Variants in RBFOX3 observed in about 807,000 individuals in gnomAD.
The protein encoded by RBFOX3 is RNA binding fox-1 homolog 3.
RBFOX3 carries 17 observed loss-of-function variants against 48.7 expected under a neutral mutation model. The observed-to-expected ratio is 0.35, with a 90% CI of 0.24 to 0.52. The LOEUF (loss-of-function observed/expected upper bound fraction) is 0.52. Ranked by LOEUF, RBFOX3 falls within the 20% of genes least tolerant of loss-of-function variation. RBFOX3 has a pLI of 0.94. For missense variants in RBFOX3, 382 were observed against 497.5 expected (o/e 0.77, Z 2.21); for synonymous variants, 212 against 209.5 (o/e 1.01, Z -0.10).
intron 4 of RBFOX3, among the ~76,000 whole-genome samples, chr17:79,141,587 G>T (rs1032054689): frequency 2.0e-5 from 3 of 152,204 alleles, no homozygotes; most frequent in Non-Finnish European, 4.4e-5. Context: ...GTCTCCTGAT[G>T]TCCAAACACT....
intron 1 of RBFOX3, among the ~76,000 whole-genome samples, chr17:79,509,357 C>T (rs2083724496): frequency 6.6e-6 from 1 of 152,094 alleles, no homozygotes; most frequent in Admixed American, 6.5e-5. Context: ...CCTCCCCACA[C>T]CCCCTCCAGC....
intron 4 of RBFOX3, among the ~76,000 whole-genome samples, chr17:79,148,211 C>T (rs1166443597): frequency 6.6e-6 from 1 of 152,242 alleles, no homozygotes; most frequent in Non-Finnish European, 1.5e-5. Context: ...CTGGAGTCTC[C>T]ATTCTGGTTG....
At chr17:79,577,159 T>G (rs935094091) in intron 1 of RBFOX3, among the ~76,000 whole-genome samples, 1 of 152,312 alleles carries the variant, frequency 6.6e-6, no homozygotes, top group East Asian at 1.9e-4. Flanking sequence ...TTGATGAAGA[T>G]GGACAGAGCC....
At chr17:79,316,732 C>A (rs1442248334) in intron 2 of RBFOX3, among the ~76,000 whole-genome samples, 1 of 152,234 alleles carries the variant, frequency 6.6e-6, no homozygotes, top group Non-Finnish European at 1.5e-5. Flanking sequence ...AATAAAACCC[C>A]TGGATATGCA....
chr17:79,158,857 C>G (rs1390929826), intron 4 of RBFOX3, among the ~76,000 whole-genome samples: 1 of 152,212 alleles, frequency 6.6e-6, no homozygotes, highest in African/African-American at 2.4e-5. Flanking sequence ...AACTTCCTAA[C>G]TGCGGCCCCA....
rs560705528 is a variant in RBFOX3 at position 79,460,826 on chromosome 17, T to C, written c.-175+21628A>G. ...AGACCTGCACCAGATGCCAGGGCCA[T>C]GTTCTTGGCCTTCCCAACCTCTAGA... On this transcript the variant is annotated intron_variant, in intron 2 of 14. Coordinates refer to ENST00000693108, the MANE Select transcript of RBFOX3 (RefSeq NM_001350451.2). Among the ~76,000 whole-genome samples, 5 of 152,346 alleles carry C rather than the reference T, an allele frequency of 3.3e-5. No homozygotes were observed. The East Asian group carries it at 9.6e-4, about 29-fold the overall frequency.
intron 3 of RBFOX3, among the ~76,000 whole-genome samples, chr17:79,295,059 C>A (rs921485171): frequency 6.6e-6 from 1 of 152,174 alleles, no homozygotes; most frequent in Non-Finnish European, 1.5e-5. Flanking sequence ...GTCTAGCTTG[C>A]CTTTCCTAAC....
At chr17:79,158,052 G>C (rs993308755) in intron 4 of RBFOX3, among the ~76,000 whole-genome samples, 1 of 152,158 alleles carries the variant, frequency 6.6e-6, no homozygotes, top group African/African-American at 2.4e-5. Flanking sequence ...CATTACACTG[G>C]GGTCATTAGG....
intron 2 of RBFOX3, among the ~76,000 whole-genome samples, chr17:79,379,648 C>A (rs1433134839): frequency 6.6e-6 from 1 of 152,208 alleles, no homozygotes; most frequent in Non-Finnish European, 1.5e-5. Flanking sequence ...AGGCGGGAAG[C>A]TGGCTCCAGG....
chr17:79,393,793 T>C (rs1418865291), intron 2 of RBFOX3, among the ~76,000 whole-genome samples: 1 of 150,220 alleles, frequency 6.7e-6, no homozygotes. Context: ...CTGGTCATCA[T>C]CATGCACATC....
At chr17:79,239,068 C>A (rs997203073) in intron 3 of RBFOX3, among the ~76,000 whole-genome samples, 3 of 152,186 alleles carry the variant, frequency 2.0e-5, no homozygotes, top group African/African-American at 4.8e-5. Context: ...CTGTGCAGAG[C>A]AGCCCACAAT....
At chr17:79,269,960 C>T (rs913487385) in intron 3 of RBFOX3, among the ~76,000 whole-genome samples, 21 of 152,262 alleles carry the variant, frequency 1.4e-4, no homozygotes, top group South Asian at 1.0e-3. Flanking sequence ...GGGGTGGGGA[C>T]GCCACTGCTG....
the RBFOX3 span, among the ~76,000 whole-genome samples, chr17:79,620,605 A>G: frequency 1.8e-3 from 254 of 138,974 alleles, 13 homozygotes; most frequent in Middle Eastern, 0.012. Context: ...GCACGCACGC[A>G]CACATGCACA....
chr17:79,602,184 G>C (rs933479411), intron 1 of RBFOX3: 3 of 152,200 alleles, frequency 2.0e-5, no homozygotes, highest in Non-Finnish European at 4.4e-5. Context: ...AGGGTAACAG[G>C]CTCCCCCATC....
intron 4 of RBFOX3, among the ~76,000 whole-genome samples, chr17:79,123,073 T>C (rs551486580): frequency 7.5e-6 from 1 of 133,666 alleles, no homozygotes; most frequent in Non-Finnish European, 1.6e-5. Context: ...GAGGGGGGTG[T>C]GGGCTGGGGG....
the RBFOX3 span, among the ~76,000 whole-genome samples, chr17:79,663,369 G>A: frequency 2.0e-5 from 3 of 152,264 alleles, no homozygotes; most frequent in South Asian, 6.2e-4. Flanking sequence ...GACTCTTAAT[G>A]CAGCCAAAGA....
chr17:79,245,175 T>C (rs747275419), intron 3 of RBFOX3, among the ~76,000 whole-genome samples: 6 of 151,938 alleles, frequency 3.9e-5, no homozygotes, highest in Non-Finnish European at 8.8e-5. Flanking sequence ...CAGGCTCAAG[T>C]GATCCTCCCA....
At chr17:79,369,436 G>C (rs1220310117) in intron 2 of RBFOX3, among the ~76,000 whole-genome samples, 4 of 152,168 alleles carry the variant, frequency 2.6e-5, no homozygotes, top group Non-Finnish European at 5.9e-5. Context: ...AGGGTTTGCT[G>C]TTTTCACCCC....
chr17:79,555,553 A>ATT (rs2091638887), intron 1 of RBFOX3, among the ~76,000 whole-genome samples: 1 of 96,470 alleles, frequency 1.0e-5, no homozygotes, highest in Non-Finnish European at 2.2e-5. Context: ...GATGGTGGTG[A>ATT]TGATGGTAGT....
Sources: allele counts gnomAD v4.1 joint callset (sites outside exome capture counted in the v4.1 genomes callset), GRCh38; gene constraint gnomAD v4.1.1; transcripts MANE v1.5; gene names NCBI Gene and HGNC (gene_info 2026-07-23, HGNC 2026-07-21).